Variants in AKAP19 observed in about 807,000 individuals in gnomAD.
The protein encoded by AKAP19 is small A-kinase anchoring protein.
chr2:190,079,026 A>G, the AKAP19 span, among the ~76,000 whole-genome samples: 1 of 152,218 alleles, frequency 6.6e-6, no homozygotes, highest in African/African-American at 2.4e-5. Context: ...TATTATATGT[A>G]TGCTTTTTCC....
At chr2:190,193,307 T>C in the AKAP19 span, among the ~76,000 whole-genome samples, 1 of 152,182 alleles carries the variant, frequency 6.6e-6, no homozygotes, top group African/African-American at 2.4e-5. Flanking sequence ...TCAGTCATCA[T>C]GTTTTATCCA....
chr2:189,983,139 T>C, the AKAP19 span, among the ~76,000 whole-genome samples: 1 of 152,208 alleles, frequency 6.6e-6, no homozygotes, highest in Admixed American at 6.5e-5. Flanking sequence ...TTCCTCATCC[T>C]GAGCCAGCAG....
the AKAP19 span, among the ~76,000 whole-genome samples, chr2:190,125,076 G>A: frequency 2.4e-4 from 36 of 152,052 alleles, no homozygotes; most frequent in African/African-American, 7.7e-4. Context: ...ACCTCCTGAA[G>A]GACCTTCTGG....
chr2:189,984,758 T>C, the AKAP19 span, among the ~76,000 whole-genome samples: 1,729 of 152,308 alleles, frequency 0.011, 29 homozygotes, highest in African/African-American at 0.04. Context: ...CTAATAAATG[T>C]ACATAAAATC....
the AKAP19 span, among the ~76,000 whole-genome samples, chr2:190,142,388 G>A: frequency 1.3e-3 from 193 of 152,320 alleles, 1 homozygote; most frequent in African/African-American, 4.4e-3. Flanking sequence ...GGTAAATGAA[G>A]TTATATTCAC....
the AKAP19 span, among the ~76,000 whole-genome samples, chr2:189,884,567 T>G: frequency 6.6e-6 from 1 of 152,192 alleles, no homozygotes; most frequent in African/African-American, 2.4e-5. Flanking sequence ...ATTCAGCTTT[T>G]AAATTGTCAA....
At chr2:189,892,365 G>A in the AKAP19 span, among the ~76,000 whole-genome samples, 12 of 152,232 alleles carry the variant, frequency 7.9e-5, no homozygotes, top group African/African-American at 1.4e-4. Flanking sequence ...TCTCATCTTC[G>A]TGGATTTATC....
the AKAP19 span, among the ~76,000 whole-genome samples, chr2:190,107,589 C>T: frequency 6.6e-6 from 1 of 152,080 alleles, no homozygotes; most frequent in South Asian, 2.1e-4. Flanking sequence ...GGATGATGTC[C>T]AGCCTCATCC....
At chr2:189,891,914 G>A in the AKAP19 span, among the ~76,000 whole-genome samples, 5 of 151,936 alleles carry the variant, frequency 3.3e-5, no homozygotes, top group Admixed American at 2.6e-4. Flanking sequence ...CGTATTTCTT[G>A]GAGGTTTTGT....
chr2:190,177,325 C>T, the AKAP19 span, among the ~76,000 whole-genome samples: 4 of 152,148 alleles, frequency 2.6e-5, no homozygotes, highest in East Asian at 3.9e-4. The surrounding 1 kb of genome is among the most constrained non-coding windows in gnomAD (Gnocchi z 4.6). Context: ...CTCTCTCTAG[C>T]GTACGTGAAT....
At chr2:189,911,061 G>T in the AKAP19 span, among the ~76,000 whole-genome samples, 2 of 152,024 alleles carry the variant, frequency 1.3e-5, no homozygotes, top group African/African-American at 4.8e-5. Flanking sequence ...ACTAGAAAAT[G>T]TACATGAGGA....
At chr2:189,914,740 T>G in the AKAP19 span, among the ~76,000 whole-genome samples, 1 of 151,780 alleles carries the variant, frequency 6.6e-6, no homozygotes, top group Non-Finnish European at 1.5e-5. Flanking sequence ...ATCTAACATT[T>G]ATTGTACTCT....
the AKAP19 span, among the ~76,000 whole-genome samples, chr2:190,054,752 G>A: frequency 3.9e-3 from 598 of 152,276 alleles, 7 homozygotes; most frequent in African/African-American, 0.014. Flanking sequence ...GGCCATCAGA[G>A]AAATGCAAAT....
At chr2:189,972,176 A>G in the AKAP19 span, among the ~76,000 whole-genome samples, 1 of 152,184 alleles carries the variant, frequency 6.6e-6, no homozygotes, top group African/African-American at 2.4e-5. Context: ...TAAAGAAGGG[A>G]TCCAGTTTCA....
the AKAP19 span, among the ~76,000 whole-genome samples, chr2:190,045,423 G>A: frequency 7.2e-5 from 11 of 152,098 alleles, no homozygotes; most frequent in Non-Finnish European, 1.0e-4. Context: ...CATGGTTGAG[G>A]CACGGCTGAA....
At chr2:190,104,001 G>A in the AKAP19 span, among the ~76,000 whole-genome samples, 1 of 152,146 alleles carries the variant, frequency 6.6e-6, no homozygotes, top group Admixed American at 6.6e-5. Context: ...ATAGACCAAT[G>A]GAACAGAATA....
At chr2:190,180,971 C>A in the AKAP19 span, 12 of 985,582 alleles carry the variant, frequency 1.2e-5, no homozygotes, top group East Asian at 1.2e-3. The surrounding 1 kb of genome is among the most constrained non-coding windows in gnomAD (Gnocchi z 6.8). Context: ...CCCGCCCAGA[C>A]GCCAGCAAGC....
chr2:189,948,681 T>A, the AKAP19 span, among the ~76,000 whole-genome samples: 2 of 152,244 alleles, frequency 1.3e-5, no homozygotes, highest in African/African-American at 4.8e-5. Flanking sequence ...ATTTTTTAGC[T>A]TATTTTTAAG....
chr2:190,095,001 G>A, the AKAP19 span, among the ~76,000 whole-genome samples: 1 of 152,194 alleles, frequency 6.6e-6, no homozygotes, highest in Non-Finnish European at 1.5e-5. Flanking sequence ...GAGATGGGCG[G>A]ATCATGAGGT....
Sources: gnomAD v4.1 joint callset for allele counts (sites outside exome capture counted in the v4.1 genomes callset) on GRCh38, gnomAD v4.1.1 for gene constraint, Gnocchi (gnomAD v3.1) non-coding constraint, MANE v1.5 for transcripts, NCBI Gene and HGNC (gene_info 2026-07-23, HGNC 2026-07-21) for gene names.